CD72: variants seen among roughly 807,000 people sequenced by gnomAD.
CD72 encodes CD72 molecule.
Under a neutral mutation model 50.7 loss-of-function variants are expected in CD72, and 28 were observed. That is an observed-to-expected ratio of 0.55 (90% CI 0.41 to 0.76). The LOEUF (loss-of-function observed/expected upper bound fraction) is 0.76, where lower values mean the gene tolerates loss of function less well. CD72 is among the 30% of genes least tolerant of loss of function. The pLI is 0.00. For missense variants in CD72, 403 were observed against 420.6 expected (o/e 0.96, Z 0.37); for synonymous variants, 176 against 171.2 (o/e 1.03, Z -0.22).
upstream of CD72, among the ~76,000 whole-genome samples, chr9:35,621,599 T>C (rs922865717): frequency 7.2e-5 from 11 of 152,228 alleles, no homozygotes; most frequent in African/African-American, 2.7e-4. Flanking sequence ...AAAATGTAGA[T>C]GTGGCTATGT....
intron 1 of CD72, among the ~76,000 whole-genome samples, chr9:35,632,461 T>C (rs953773836): frequency 1.3e-5 from 2 of 152,120 alleles, no homozygotes; most frequent in Admixed American, 6.5e-5. Context: ...TGAGCCACTG[T>C]GCCCGGCCTT....
intron 5 of CD72, among the ~76,000 whole-genome samples, chr9:35,613,506 T>A (rs1290030698): frequency 6.6e-6 from 1 of 152,070 alleles, no homozygotes; most frequent in Non-Finnish European, 1.5e-5. Context: ...GAAATAAATA[T>A]CCCTCTTTCT....
rs1009230784 is a variant in CD72, at chr9:35,611,994, G to T, written c.835-75C>A. 60 of 829,960 alleles carry T rather than the reference G, an allele frequency of 7.2e-5. No individual in the cohort carries two copies. In the Admixed American group the frequency reaches 1.1e-3, roughly 15 times the overall value. The allele number at this position is 829,960 out of a possible 1,614,324, so 51.4% of individuals were successfully genotyped here. A position where few individuals can be genotyped will look rare whatever the true frequency, so the allele number is the denominator to read the frequency against. On this transcript the variant is annotated intron_variant, in intron 6 of 8. Transcript: ENST00000259633. The stretch of plus-strand genomic sequence containing the variant: ...TATGGAAGAAAATGCACACCCTAGG[G>T]AGGCCTCAGCTTTGGCAAGGGGGCT...
Position 35,615,992 on chromosome 9 carries a change from C to T in CD72, c.639G>A (p.Leu213=), listed in dbSNP as rs142573111. 1 of 1,614,018 alleles carries T rather than the reference C, an allele frequency of 6.2e-7. No individual in the cohort carries two copies. Among genetic ancestry groups the T allele is most frequent in the Non-Finnish European group, 8.5e-7 (1 of 1,180,010 alleles). The change falls in exon 5 of 9, where the codon CTG becomes CTA. Residue 213 remains leucine, a synonymous_variant. Coordinates refer to ENST00000259633, the MANE Select transcript of CD72 (RefSeq NM_001782.3). The part of the protein sequence containing the change: ...EQQRRALEQK[L]SNMENRLKPF... The stretch of plus-strand genomic sequence containing the variant: ...GCTTCAGTCTGTTCTCCATGTTGCT[C>T]AGCTTCTGCTCCAAGGCCCTCCTCT...
At position 35,610,773 on chromosome 9, in the gene CD72, A is replaced by G; in HGVS notation, c.951-20T>C. The G allele has an allele frequency of 6.2e-7, 1 of 1,602,226 alleles. No homozygotes were observed. Among genetic ancestry groups the G allele is most frequent in the Non-Finnish European group, 8.5e-7 (1 of 1,173,268 alleles). Reference sequence around the variant, plus strand: ...TAAGTCCTAAAAAGTAGTAAGGTAGAGCTGGGATATGCTCTGGACATATCC... The same window carrying G: ...TAAGTCCTAAAAAGTAGTAAGGTAGGGCTGGGATATGCTCTGGACATATCC... On this transcript the variant is annotated intron_variant, in intron 7 of 8. Coordinates refer to ENST00000259633, the MANE Select transcript of CD72 (RefSeq NM_001782.3).
At chr9:35,643,967 CAG>C (rs1485723664) in intron 1 of CD72, among the ~76,000 whole-genome samples, 2 of 149,592 alleles carry the variant, frequency 1.3e-5, no homozygotes, top group Non-Finnish European at 3.0e-5. Context: ...GCCTGGGTGA[CAG>C]AGAAAAACTC....
At chr9:35,625,690 C>G (rs1280150084) in intron 1 of CD72, among the ~76,000 whole-genome samples, 3 of 152,222 alleles carry the variant, frequency 2.0e-5, no homozygotes, top group Non-Finnish European at 4.4e-5. Context: ...GACAGGTTGA[C>G]TCTCTTGTTA....
chr9:35,616,503 A>T, intron 4 of CD72, 97 bp downstream of exon 4: 1 of 1,056,382 alleles, frequency 9.5e-7, no homozygotes, highest in Non-Finnish European at 1.5e-6. Context: ...AGGTGGTGGT[A>T]GTGACTATGA....
At chr9:35,639,745 G>T (rs7020090) in intron 1 of CD72, among the ~76,000 whole-genome samples, 1 of 152,094 alleles carries the variant, frequency 6.6e-6, no homozygotes, top group Non-Finnish European at 1.5e-5. Context: ...TGGAAGTCTT[G>T]TCTCCAATTT....
At chr9:35,618,882 G>T, upstream of CD72, 1 of 643,360 alleles carries the variant, frequency 1.6e-6, no homozygotes, top group Non-Finnish European at 2.4e-6. Context: ...CAGAGGTGAA[G>T]GTAAGGAAGA....
chr9:35,638,130 T>A (rs1273722596), intron 1 of CD72, among the ~76,000 whole-genome samples: 1 of 152,104 alleles, frequency 6.6e-6, no homozygotes, highest in Non-Finnish European at 1.5e-5. Context: ...GGGCAAATGG[T>A]CGGAGGTGCC....
At position 35,610,394 on chromosome 9, in the gene CD72, C is replaced by T. The variant is rs1822956882; in HGVS notation, c.*23-94G>A. ...TCCTCCTCAGCTCTCGACAGCCACACCACCAGCCTCCCATAAGTTGTAGGC... is the reference window on the plus strand; with the variant it reads ...TCCTCCTCAGCTCTCGACAGCCACATCACCAGCCTCCCATAAGTTGTAGGC... On this transcript the variant is annotated intron_variant, in intron 8 of 8. Transcript: ENST00000259633. The T allele has an allele frequency of 8.5e-6, 4 of 471,394 alleles. No individual in the cohort carries two copies. The South Asian group carries it at 1.0e-4, about 12-fold the overall frequency. The allele number at this position is 471,394 out of a possible 1,614,324, so 29.2% of individuals were successfully genotyped here.
At position 35,618,368 on chromosome 9, in the gene CD72, G is replaced by T. The variant is rs575552833; in HGVS notation, c.-65C>A. On this transcript the variant is annotated 5_prime_UTR_variant, in exon 1 of 9. Transcript: ENST00000259633. Reference sequence around the variant, plus strand: ...TCCACTGTCCTCCCTTGCCCCTCTCGTCTCTGTCCGTTTACAACTAGGCTC... The same window carrying T: ...TCCACTGTCCTCCCTTGCCCCTCTCTTCTCTGTCCGTTTACAACTAGGCTC... The T allele has an allele frequency of 1.9e-6, 3 of 1,604,156 alleles. No individual in the cohort carries two copies. The South Asian group carries it at 3.3e-5, about 18-fold the overall frequency.
In CD72 at chr9:35,632,200, C is replaced by T. The variant is rs559688584; in HGVS notation, n.409-14079G>A. Among the ~76,000 whole-genome samples the T allele has an allele frequency of 8.9e-4, 131 of 146,646 alleles. 1 individual carries two copies. The highest frequency in any genetic ancestry group is 3.1e-3 in the African/African-American group (125 of 39,888). On this transcript the variant is annotated intron_variant and non_coding_transcript_variant, in intron 1 of 3. Coordinates refer to the CD72 transcript ENST00000465754. ...TTCTCCTCTTTTTTTTTTTTTGAGACGGAGTATCGCTCTGTCACCCAGGCT... is the reference window on the plus strand; with the variant it reads ...TTCTCCTCTTTTTTTTTTTTTGAGATGGAGTATCGCTCTGTCACCCAGGCT...
upstream of CD72, among the ~76,000 whole-genome samples, chr9:35,622,350 G>T (rs930034746): frequency 6.6e-6 from 1 of 152,156 alleles, no homozygotes; most frequent in Non-Finnish European, 1.5e-5. Context: ...CCTCTCCTTG[G>T]TCCTGCCTCA....
At chr9:35,627,950 C>A (rs917365899) in intron 1 of CD72, among the ~76,000 whole-genome samples, 3 of 152,070 alleles carry the variant, frequency 2.0e-5, no homozygotes, top group African/African-American at 7.2e-5. Flanking sequence ...ACCCTCCCAC[C>A]TTAGCCTCCC....
chr9:35,621,747 A>T (rs1030795839), upstream of CD72, among the ~76,000 whole-genome samples: 2 of 152,168 alleles, frequency 1.3e-5, no homozygotes, highest in Admixed American at 1.3e-4. Flanking sequence ...GGCCAGAGAG[A>T]CGCCACAGGA....
intron 1 of CD72, chr9:35,642,633 G>A (rs1179167065): frequency 6.6e-6 from 1 of 152,156 alleles, no homozygotes; most frequent in Non-Finnish European, 1.5e-5. Context: ...GCTTAACACT[G>A]GGGCTTGGGT....
At chr9:35,633,192 T>G (rs1823261901) in intron 1 of CD72, among the ~76,000 whole-genome samples, 1 of 151,832 alleles carries the variant, frequency 6.6e-6, no homozygotes, top group Non-Finnish European at 1.5e-5. Context: ...TTCTCCCGCC[T>G]TGGCTTCCCA....
Sources: allele counts gnomAD v4.1 joint callset (sites outside exome capture counted in the v4.1 genomes callset), GRCh38; gene constraint gnomAD v4.1.1; transcripts MANE v1.5; gene names NCBI Gene and HGNC (gene_info 2026-07-23, HGNC 2026-07-21).